Variants in GALNT12 observed in about 807,000 individuals in gnomAD.
GALNT12 encodes the protein UDP-GalNAc:polypeptide N-acetylgalactosaminyltransferase 12.
In GALNT12, 45 loss-of-function variants were observed where a neutral mutation model predicts 55.5. That is an observed-to-expected ratio of 0.81 (90% CI 0.64 to 1.04). The LOEUF (loss-of-function observed/expected upper bound fraction) is 1.04, where lower values mean the gene tolerates loss of function less well. GALNT12 is among the 50% of genes least tolerant of loss of function. GALNT12 has a pLI of 0.00. For synonymous variants in GALNT12, 304 were observed against 312.2 expected, an observed-to-expected ratio of 0.97 and a Z score of 0.28; for missense variants, 709 against 754.8, an observed-to-expected ratio of 0.94 and a Z score of 0.71.
intron 5 of GALNT12, among the ~76,000 whole-genome samples, chr9:98,835,741 T>C (rs77252828): frequency 7.1e-6 from 1 of 140,784 alleles, no homozygotes; most frequent in Non-Finnish European, 1.6e-5. Flanking sequence ...AAGAATTTCT[T>C]TTTTTTTTTT....
intron 1 of GALNT12, among the ~76,000 whole-genome samples, chr9:98,821,624 C>CAAAAAGAAAAAAAAAA (rs1835741716): frequency 8.9e-6 from 1 of 112,030 alleles, no homozygotes; most frequent in Non-Finnish European, 1.9e-5. Flanking sequence ...GACTCCATCT[C>CAAAAAGAAAAAAAAAA]AAAAAAAAAA....
chr9:98,838,446 G>T (rs1836208716), intron 6 of GALNT12, among the ~76,000 whole-genome samples: 1 of 152,190 alleles, frequency 6.6e-6, no homozygotes, highest in Non-Finnish European at 1.5e-5. Context: ...ACACACTACA[G>T]GGACACTGGC....
chr9:98,847,673 A>G (rs979801221), intron 9 of GALNT12, among the ~76,000 whole-genome samples: 1 of 152,136 alleles, frequency 6.6e-6, no homozygotes, highest in African/African-American at 2.4e-5. Flanking sequence ...TTGATTTATT[A>G]TATTTCATCA....
intron 1 of GALNT12, among the ~76,000 whole-genome samples, chr9:98,813,742 C>T (rs1486412537): frequency 6.6e-6 from 1 of 151,978 alleles, no homozygotes; most frequent in Non-Finnish European, 1.5e-5. Flanking sequence ...TTAGGTGATC[C>T]ACCTACCTTG....
chr9:98,825,808 C>A (rs575299458), intron 2 of GALNT12, among the ~76,000 whole-genome samples: 5 of 152,050 alleles, frequency 3.3e-5, no homozygotes, highest in African/African-American at 4.8e-5. Flanking sequence ...GACCCTATGT[C>A]TACAAAAAAT....
chr9:98,837,221 C>A, intron 6 of GALNT12, 73 bp downstream of exon 6: 1 of 1,398,532 alleles, frequency 7.2e-7, no homozygotes, highest in Non-Finnish European at 1.0e-6. Context: ...GCTTCCCCAA[C>A]ATAGTCGATC....
Position 98,849,798 on chromosome 9 carries a change from G to A in GALNT12, c.*706G>A. ...TTCTAACAATGCCGCACTGTAGTGT[G>A]GCTGGTTCTACCACTATGACTTTAA... On this transcript the variant is annotated 3_prime_UTR_variant, in exon 10 of 10. Coordinates refer to ENST00000375011, the MANE Select transcript of GALNT12 (RefSeq NM_024642.5). 1 of 390,614 alleles carries A rather than the reference G, an allele frequency of 2.6e-6. No individual in the cohort carries two copies. Among genetic ancestry groups the A allele is most frequent in the Non-Finnish European group, 4.5e-6 (1 of 221,880 alleles). 24.2% of individuals were successfully genotyped at this position (390,614 alleles called of 1,614,324 possible). A position where few individuals can be genotyped will look rare whatever the true frequency, so the allele number is the denominator to read the frequency against.
chr9:98,834,887 C>G (rs1430100733), intron 4 of GALNT12, among the ~76,000 whole-genome samples: 1 of 152,130 alleles, frequency 6.6e-6, no homozygotes, highest in African/African-American at 2.4e-5. Context: ...TTCCATTTCC[C>G]TTCTTCTTCT....
At chr9:98,830,160 T>C (rs1835959571) in intron 3 of GALNT12, among the ~76,000 whole-genome samples, 2 of 152,170 alleles carry the variant, frequency 1.3e-5, no homozygotes, top group Admixed American at 6.5e-5. Context: ...TGGATCTAAC[T>C]CTTGGGGCTG....
At position 98,848,061 on chromosome 9, in the gene GALNT12, T is replaced by C. The variant is rs534761853; in HGVS notation, c.1606-891T>C. ...GCTCTTTGGCCTCAAGTGATCCACC[T>C]GCCTCAGCCTCTCAAAGTGCTGCGA... On this transcript the variant is annotated intron_variant, in intron 9 of 9. Coordinates refer to ENST00000375011, the MANE Select transcript of GALNT12 (RefSeq NM_024642.5). 2.2e-4 allele frequency among the ~76,000 whole-genome samples: 33 copies of C among 152,326 alleles called. No homozygotes were observed. The South Asian group carries it at 6.4e-3, about 30-fold the overall frequency.
At chr9:98,827,044 C>T (rs939576294) in intron 3 of GALNT12, 103 bp downstream of exon 3, 3 of 1,215,358 alleles carry the variant, frequency 2.5e-6, no homozygotes, top group Non-Finnish European at 3.5e-6. Context: ...GTTGCCTGGG[C>T]TCAGCTGCTT....
Position 98,845,964 on chromosome 9 carries a change from G to T in GALNT12, c.1459-13G>T. 1.2e-6 allele frequency: 2 copies of T among 1,613,916 alleles called. No homozygotes were observed. Among genetic ancestry groups the T allele is most frequent in the Non-Finnish European group, 1.7e-6 (2 of 1,179,886 alleles). On this transcript the variant is annotated splice_polypyrimidine_tract_variant and intron_variant, in intron 8 of 9. Transcript: ENST00000375011. ...GAAAATGTTGTGTTACATGTTGGCT[G>T]CCCCATTTTTAGTTTTTCGAGTACA...
intron 1 of GALNT12, among the ~76,000 whole-genome samples, chr9:98,816,518 C>A (rs1468770703): frequency 6.6e-6 from 1 of 152,270 alleles, no homozygotes; most frequent in East Asian, 1.9e-4. Context: ...CCTCACTTCA[C>A]CGTCCTTATT....
chr9:98,839,731 C>T (rs919375530), intron 6 of GALNT12, among the ~76,000 whole-genome samples: 6 of 152,188 alleles, frequency 3.9e-5, no homozygotes, highest in African/African-American at 1.2e-4. Context: ...CATCAGCAGG[C>T]GGGTTGTCCT....
intron 1 of GALNT12, among the ~76,000 whole-genome samples, chr9:98,813,044 A>G (rs954408149): frequency 5.3e-5 from 8 of 152,258 alleles, no homozygotes; most frequent in Admixed American, 5.2e-4. Context: ...TTTATCCACA[A>G]GTTTACCATT....
rs2118415433 is a variant in GALNT12 at position 98,831,902 on chromosome 9, C to T, written c.862C>T (p.His288Tyr). Residue 288 changes from histidine to tyrosine, a missense_variant, in exon 4 of 10, where the codon CAC becomes TAC. His to Tyr is a moderately conservative substitution (Grantham distance 83). Coordinates refer to ENST00000375011, the MANE Select transcript of GALNT12 (RefSeq NM_024642.5). ...CGACTGGAGGCTGGTGTTCACGTGG[C>T]ACACAGTTCCTGAGAGGGAGAGGAT... Reference protein sequence around the residue: ...GFDWRLVFTWHTVPERERIRM... With the variant: ...GFDWRLVFTWYTVPERERIRM... 1 of 1,614,160 alleles carries T rather than the reference C, an allele frequency of 6.2e-7. No homozygotes were observed. The highest frequency in any genetic ancestry group is 8.5e-7 in the Non-Finnish European group (1 of 1,180,038).
intron 1 of GALNT12, among the ~76,000 whole-genome samples, chr9:98,820,490 G>T (rs1159875594): frequency 6.6e-6 from 1 of 152,130 alleles, no homozygotes; most frequent in African/African-American, 2.4e-5. Context: ...TCTTTATCCA[G>T]TCTATCATTG....
chr9:98,826,727 C>G, intron 2 of GALNT12, 25 bp from the exon 3 acceptor site: 2 of 1,606,380 alleles, frequency 1.2e-6, no homozygotes, highest in Non-Finnish European at 1.7e-6. Context: ...CACGGTGACC[C>G]CTGTTGCTTT....
At chr9:98,825,717 G>A (rs1259721408) in intron 2 of GALNT12, among the ~76,000 whole-genome samples, 1 of 152,190 alleles carries the variant, frequency 6.6e-6, no homozygotes, top group Non-Finnish European at 1.5e-5. Flanking sequence ...GCTCATGCCT[G>A]TAATTCCAGC....
Sources: gnomAD v4.1 joint callset for allele counts (sites outside exome capture counted in the v4.1 genomes callset) on GRCh38, gnomAD v4.1.1 for gene constraint, MANE v1.5 for transcripts, NCBI Gene and HGNC (gene_info 2026-07-23, HGNC 2026-07-21) for gene names.